Variants in VIL1 observed in about 807,000 individuals in gnomAD.
The protein encoded by VIL1 is villin-1.
Under a neutral mutation model 104.0 loss-of-function variants are expected in VIL1, and 86 were observed. The observed-to-expected ratio is 0.83, with a 90% CI of 0.69 to 0.99. The LOEUF is 0.99. Among genes scored for constraint, VIL1 ranks in the 50% least tolerant of loss-of-function variants. The pLI is 0.00. For missense variants in VIL1, 944 were observed against 1,054.1 expected (o/e 0.90, Z 1.45); for synonymous variants, 394 against 412.6 (o/e 0.95, Z 0.55).
Position 218,429,931 on chromosome 2 carries a change from C to A in VIL1, c.932C>A (p.Ala311Asp), listed in dbSNP as rs141936243. The change falls in exon 9 of 20, where the codon GCC (alanine) becomes GAC (aspartate). Residue 311 changes from alanine (A) to aspartate (D), a missense_variant. Physicochemically the swap from Ala to Asp is moderately radical, Grantham distance 126. Coordinates refer to ENST00000248444, the MANE Select transcript of VIL1 (RefSeq NM_007127.3). ...GCCAATGAGCAGGAGAAGAAGGGAG[C>A]CATGAGCCATGCGCTGGTAGTGGTG... ...KKANEQEKKG[A>D]MSHALNFIKA... 1 of 1,612,990 alleles carries A rather than the reference C, an allele frequency of 6.2e-7. No individual in the cohort carries two copies.
chr2:218,425,616 T>A lies in VIL1; in HGVS notation c.152T>A (p.Ile51Asn), dbSNP rs972039480. The A allele has an allele frequency of 1.9e-6, 3 of 1,613,842 alleles. No individual in the cohort carries two copies. Among genetic ancestry groups the A allele is most frequent in the Non-Finnish European group, 2.5e-6 (3 of 1,179,998 alleles). Residue 51 changes from isoleucine to asparagine, a missense_variant and splice_region_variant, in exon 4 of 20, where the codon ATC becomes AAC. Physicochemically the swap from Ile to Asn is moderately radical, Grantham distance 149 (BLOSUM62 -3). Transcript: ENST00000248444. ...FDGDCYIILA[I>N]HKTASSLSYD... is the part of the protein sequence containing the mutation. ...GTACACTGGACACCTTTTCCCTAGA[T>A]CCACAAGACAGCCAGCAGCCTGTCC...
intron 6 of VIL1, among the ~76,000 whole-genome samples, chr2:218,428,967 C>T (rs1574813593): frequency 6.6e-6 from 1 of 152,272 alleles, no homozygotes; most frequent in South Asian, 2.1e-4. Context: ...TGATTGAGTA[C>T]TGTGATCCTT....
At chr2:218,436,846 A>G (rs145839410) in intron 16 of VIL1, among the ~76,000 whole-genome samples, 3 of 152,314 alleles carry the variant, frequency 2.0e-5, no homozygotes, top group African/African-American at 7.2e-5. Context: ...CCAAAGTCCT[A>G]TTTATTTCAC....
rs1271220384 is a variant in VIL1, at chr2:218,449,236, T to A, written c.2384T>A (p.Ile795Asn). Residue 795 changes from isoleucine to asparagine, a missense_variant, in exon 20 of 20, where the codon ATT becomes AAT. Transcript: ENST00000248444. ...DPSRKEEHLS[I>N]EDFTQAFGMT... Reference sequence around the variant, plus strand: ...CTCTTCTTCTAGGAACACCTGTCCATTGAAGATTTCACTCAGGCCTTTGGG... The same window carrying A: ...CTCTTCTTCTAGGAACACCTGTCCAATGAAGATTTCACTCAGGCCTTTGGG... The A allele has an allele frequency of 1.2e-6, 2 of 1,613,736 alleles. No individual in the cohort carries two copies. The highest frequency in any genetic ancestry group is 1.3e-5 in the African/African-American group (1 of 74,908).
In VIL1 at chr2:218,429,318, G is replaced by A; in HGVS notation, c.601G>A (p.Glu201Lys). Residue 201 changes from glutamate (E) to lysine (K), a missense_variant, in exon 7 of 20, where the codon GAG (glutamate) becomes AAG (lysine). Coordinates refer to ENST00000248444, the MANE Select transcript of VIL1 (RefSeq NM_007127.3). ...MTLAKEIRDQ[E>K]RGGRTYVGVV... The stretch of plus-strand genomic sequence containing the variant: ...TCTGGCCAAGGAGATCCGAGACCAG[G>A]AGCGGGGAGGGCGCACCTATGTAGG... The A allele has an allele frequency of 6.2e-7, 1 of 1,614,044 alleles. No individual in the cohort carries two copies. Among genetic ancestry groups the A allele is most frequent in the Non-Finnish European group, 8.5e-7 (1 of 1,179,980 alleles).
At chr2:218,427,090 A>G (rs971094348) in intron 4 of VIL1, among the ~76,000 whole-genome samples, 5 of 152,120 alleles carry the variant, frequency 3.3e-5, no homozygotes, top group Non-Finnish European at 7.4e-5. Context: ...GTTCTAGCTT[A>G]GCTTTCCCCA....
Position 218,436,621 on chromosome 2 carries a change from G to A in VIL1, c.1966G>A (p.Asp656Asn). 6.2e-7 allele frequency: 1 copy of A among 1,613,730 alleles called. No homozygotes were observed. ...EDDVFLLDVW[D>N]QVFFWIGKHA... ...TGATGTGTTCCTACTAGATGTCTGG[G>A]ACCAGGTAGGACCAAGGGCCTGGGG... The change falls in exon 16 of 20, where the codon GAC (aspartate) becomes AAC (asparagine). Residue 656 changes from aspartate to asparagine, a missense_variant. Physicochemically the swap from Asp to Asn is conservative, Grantham distance 23. Transcript: ENST00000248444.
chr2:218,428,183 G>A, intron 5 of VIL1, 44 bp from the exon 6 acceptor site: 1 of 1,605,288 alleles, frequency 6.2e-7, no homozygotes, highest in Middle Eastern at 1.7e-4. Flanking sequence ...ATGGATGATA[G>A]GTGAGCTCTG....
rs1263993983 is a variant in VIL1, at chr2:218,452,576, G to A, written c.*3240G>A. 1.3e-5 allele frequency: 2 copies of A among 152,166 alleles called. No homozygotes were observed. The highest frequency in any genetic ancestry group is 2.9e-5 in the Non-Finnish European group (2 of 68,042). 9.4% of individuals were successfully genotyped at this position (152,166 alleles called of 1,614,324 possible). A position where few individuals can be genotyped will look rare whatever the true frequency, so the allele number is the denominator to read the frequency against. ...TCCCAAACATGCAAGTACATGAGCA[G>A]TGAGATAACTTATATATTCCAATAA... On this transcript the variant is annotated 3_prime_UTR_variant, in exon 20 of 20. Coordinates refer to ENST00000248444, the MANE Select transcript of VIL1 (RefSeq NM_007127.3).
chr2:218,448,932 G>A (rs141481938), intron 19 of VIL1, among the ~76,000 whole-genome samples: 35 of 151,964 alleles, frequency 2.3e-4, no homozygotes. Context: ...TTGAAACCAG[G>A]AGGCGGAGGT....
chr2:218,426,585 G>A (rs1689006249), intron 4 of VIL1, among the ~76,000 whole-genome samples: 1 of 151,338 alleles, frequency 6.6e-6, no homozygotes, highest in South Asian at 2.1e-4. Context: ...GGGACTACAG[G>A]CCCGAGCCAC....
intron 19 of VIL1, among the ~76,000 whole-genome samples, chr2:218,445,374 C>T (rs1689347942): frequency 6.6e-6 from 1 of 152,110 alleles, no homozygotes. Context: ...ACACTCCAGC[C>T]TGGGTGACAG....
At chr2:218,426,812 C>T (rs1007460924) in intron 4 of VIL1, among the ~76,000 whole-genome samples, 3 of 151,732 alleles carry the variant, frequency 2.0e-5, no homozygotes, top group Admixed American at 2.0e-4. Flanking sequence ...CCGTGTTAGC[C>T]AGGATGGTCT....
chr2:218,427,240 C>T (rs1689017501), intron 4 of VIL1, among the ~76,000 whole-genome samples: 1 of 152,144 alleles, frequency 6.6e-6, no homozygotes, highest in Non-Finnish European at 1.5e-5. Flanking sequence ...GCCATGGGCA[C>T]TGGAGTGGCA....
intron 15 of VIL1, among the ~76,000 whole-genome samples, chr2:218,435,977 T>G (rs1689182771): frequency 1.3e-5 from 2 of 152,114 alleles, no homozygotes; most frequent in African/African-American, 2.4e-5. Context: ...TAGCTGAGAT[T>G]ACAGGCGCCC....
Position 218,430,728 on chromosome 2 carries a change from T to G in VIL1, c.952T>G (p.Phe318Val), listed in dbSNP as rs1191826985. The G allele has an allele frequency of 6.3e-7, 1 of 1,582,466 alleles. No individual in the cohort carries two copies. The highest frequency in any genetic ancestry group is 1.4e-5 in the African/African-American group (1 of 74,026). The change falls in exon 10 of 20, where the codon TTC (phenylalanine) becomes GTC (valine). Residue 318 changes from phenylalanine (F) to valine (V), a missense_variant. Phe to Val is a conservative substitution (Grantham distance 50). Coordinates refer to ENST00000248444, the MANE Select transcript of VIL1 (RefSeq NM_007127.3). ...KKGAMSHALN[F>V]IKAKQYPPST... ...CAGCCACCCCTTTCTCTTCCAGAAC[T>G]TCATCAAAGCCAAGCAGTACCCACC...
chr2:218,428,387 C>G, intron 6 of VIL1, 50 bp downstream of exon 6: 1 of 1,514,952 alleles, frequency 6.6e-7, no homozygotes, highest in Non-Finnish European at 9.2e-7. Flanking sequence ...AGACTGCCCC[C>G]ACCTGCTCCT....
intron 18 of VIL1, among the ~76,000 whole-genome samples, chr2:218,440,269 A>G (rs1689264302): frequency 6.6e-6 from 1 of 151,954 alleles, no homozygotes; most frequent in Non-Finnish European, 1.5e-5. Flanking sequence ...ACTAAGCTCT[A>G]TGTTGTTGTT....
chr2:218,423,727 C>T (rs1488355035), intron 1 of VIL1, 41 bp from the exon 2 acceptor site: 60 of 1,604,302 alleles, frequency 3.7e-5, no homozygotes, highest in East Asian at 2.7e-4. Flanking sequence ...GGGCAGCATC[C>T]GAACTCAGGG....
Sources: allele counts gnomAD v4.1 joint callset (sites outside exome capture counted in the v4.1 genomes callset), GRCh38; gene constraint gnomAD v4.1.1; transcripts MANE v1.5; gene names NCBI Gene and HGNC (gene_info 2026-07-23, HGNC 2026-07-21).